Variants in MYO5B observed in about 807,000 individuals in gnomAD.
MYO5B encodes unconventional myosin-Vb.
Under a neutral mutation model 229.3 loss-of-function variants are expected in MYO5B, and 143 were observed. The ratio of observed to expected loss-of-function variants is 0.62; its 90% CI spans 0.54 to 0.72. MYO5B has a LOEUF of 0.72. Among genes scored for constraint, MYO5B ranks in the 30% least tolerant of loss-of-function variants. The pLI is 0.00. For synonymous variants in MYO5B, 918 were observed against 885.2 expected (o/e 1.04, Z -0.66); for missense variants, 2,321 against 2,331.0 (o/e 1.00, Z 0.09).
chr18:50,039,184 G>A (rs2029926673), intron 3 of MYO5B, among the ~76,000 whole-genome samples: 1 of 152,266 alleles, frequency 6.6e-6, no homozygotes, highest in East Asian at 1.9e-4. Flanking sequence ...CCAGCAGCCG[G>A]AATCCCCAAC....
intron 1 of MYO5B, among the ~76,000 whole-genome samples, chr18:50,165,329 G>T (rs1032096914): frequency 6.6e-6 from 1 of 152,036 alleles, no homozygotes; most frequent in African/African-American, 2.4e-5. Flanking sequence ...CCAAAAATAG[G>T]AAAACTAGCC....
At chr18:50,159,832 C>G (rs1305469110) in intron 1 of MYO5B, among the ~76,000 whole-genome samples, 1 of 152,214 alleles carries the variant, frequency 6.6e-6, no homozygotes, top group Non-Finnish European at 1.5e-5. Flanking sequence ...TGATATCATG[C>G]TGCACATTCC....
chr18:49,925,140 C>T (rs1436247485), intron 17 of MYO5B, among the ~76,000 whole-genome samples: 2 of 152,178 alleles, frequency 1.3e-5, no homozygotes, highest in African/African-American at 4.8e-5. Context: ...GACTCTATAT[C>T]TGATAAGAAA....
chr18:50,085,021 A>G (rs1345413608), intron 1 of MYO5B, among the ~76,000 whole-genome samples: 1 of 152,226 alleles, frequency 6.6e-6, no homozygotes, highest in African/African-American at 2.4e-5. Flanking sequence ...CTTCATGTCT[A>G]AAACACCAAA....
chr18:50,194,696 G>T, intron 1 of MYO5B, 71 bp downstream of exon 1: 1 of 1,139,850 alleles, frequency 8.8e-7, no homozygotes, highest in Non-Finnish European at 1.2e-6. Context: ...GGGAGAAGGC[G>T]ACCCTGAGTA....
intron 10 of MYO5B, chr18:49,970,710 G>C (rs2025682054): frequency 6.6e-6 from 1 of 152,156 alleles, no homozygotes; most frequent in Non-Finnish European, 1.5e-5. Flanking sequence ...GGCGGGCCAG[G>C]AATGCCCTAG....
chr18:49,963,826 T>C (rs2025591016), intron 10 of MYO5B, among the ~76,000 whole-genome samples: 1 of 152,172 alleles, frequency 6.6e-6, no homozygotes, highest in South Asian at 2.1e-4. Flanking sequence ...TCAACCACTG[T>C]ATAGATCAGG....
intron 14 of MYO5B, among the ~76,000 whole-genome samples, chr18:49,943,151 G>A (rs1346250379): frequency 6.8e-6 from 1 of 146,044 alleles, no homozygotes; most frequent in African/African-American, 2.5e-5. Context: ...TCACTCATAG[G>A]TGGGAATTGA....
chr18:50,010,737 C>CA (rs2026152736), intron 4 of MYO5B, among the ~76,000 whole-genome samples: 1 of 152,180 alleles, frequency 6.6e-6, no homozygotes, highest in Admixed American at 6.5e-5. Context: ...TAGGGGTGAA[C>CA]TATGATATAC....
intron 22 of MYO5B, among the ~76,000 whole-genome samples, chr18:49,892,055 A>T (rs745663108): frequency 1.3e-5 from 2 of 152,126 alleles, no homozygotes; most frequent in Admixed American, 6.5e-5. Flanking sequence ...CTGAATAATG[A>T]GCTGTCACCT....
At chr18:50,007,839 T>C (rs2144337044) in intron 4 of MYO5B, among the ~76,000 whole-genome samples, 1 of 152,340 alleles carries the variant, frequency 6.6e-6, no homozygotes, top group Non-Finnish European at 1.5e-5. Context: ...AGACTCTTAG[T>C]ATATAGACTT....
rs115347082 is a variant in MYO5B, at chr18:50,132,281, C to T, written c.27+62486G>A. Among the ~76,000 whole-genome samples, 736 of 152,332 alleles carry T rather than the reference C, an allele frequency of 4.8e-3. 7 individuals carry two copies. The highest frequency in any genetic ancestry group is 0.016 in the African/African-American group (682 of 41,568). On this transcript the variant is annotated intron_variant, in intron 1 of 39. Coordinates refer to ENST00000285039, the MANE Select transcript of MYO5B (RefSeq NM_001080467.3). ...GGAGGAGCAGAGCATAATGGTTACACGTCAAGTGCTCAAATCTTGGTGCAG... is the reference window on the plus strand; with the variant it reads ...GGAGGAGCAGAGCATAATGGTTACATGTCAAGTGCTCAAATCTTGGTGCAG...
chr18:49,890,741 C>T (rs533067663), intron 22 of MYO5B, among the ~76,000 whole-genome samples: 1 of 152,298 alleles, frequency 6.6e-6, no homozygotes, highest in African/African-American at 2.4e-5. Flanking sequence ...TGTGCAGTTA[C>T]CACATTTACA....
intron 13 of MYO5B, among the ~76,000 whole-genome samples, chr18:49,953,908 G>A (rs1006241963): frequency 1.8e-5 from 2 of 113,866 alleles, no homozygotes; most frequent in Non-Finnish European, 3.8e-5. Context: ...GTGTGTGTGT[G>A]TGTGTGTGTG....
chr18:50,091,190 T>C (rs2031440348), intron 1 of MYO5B, among the ~76,000 whole-genome samples: 1 of 152,188 alleles, frequency 6.6e-6, no homozygotes, highest in Non-Finnish European at 1.5e-5. Context: ...CAAAGTCCTC[T>C]ACTATCATTC....
chr18:50,085,013 T>C (rs1383191735), intron 1 of MYO5B, among the ~76,000 whole-genome samples: 1 of 152,146 alleles, frequency 6.6e-6, no homozygotes, highest in Admixed American at 6.5e-5. Context: ...GGCAAGGACT[T>C]CATGTCTAAA....
intron 14 of MYO5B, among the ~76,000 whole-genome samples, chr18:49,950,878 C>T (rs529497125): frequency 3.9e-5 from 6 of 152,290 alleles, no homozygotes; most frequent in African/African-American, 1.4e-4. Context: ...CTGCTTGACC[C>T]CTGGCTGGTG....
At chr18:49,939,492 T>C (rs750459889) in intron 14 of MYO5B, among the ~76,000 whole-genome samples, 1 of 152,160 alleles carries the variant, frequency 6.6e-6, no homozygotes, top group Non-Finnish European at 1.5e-5. Flanking sequence ...CTTAAGAAAG[T>C]TGTATTTTTG....
At chr18:49,975,485 G>A (rs569962751) in intron 9 of MYO5B, among the ~76,000 whole-genome samples, 1 of 152,152 alleles carries the variant, frequency 6.6e-6, no homozygotes, top group Non-Finnish European at 1.5e-5. Flanking sequence ...TTCCAAGCAG[G>A]CTCGCTTTCT....
Sources: gnomAD v4.1 joint callset for allele counts (sites outside exome capture counted in the v4.1 genomes callset) on GRCh38, gnomAD v4.1.1 for gene constraint, MANE v1.5 for transcripts, NCBI Gene and HGNC (gene_info 2026-07-23, HGNC 2026-07-21) for gene names.